Variants in CNPY1 observed in about 807,000 individuals in gnomAD.
CNPY1 encodes the protein protein canopy homolog 1.
In CNPY1, 14 loss-of-function variants were observed where a neutral mutation model predicts 14.4. That is an observed-to-expected ratio of 0.97 (90% CI 0.64 to 1.52). CNPY1 has a LOEUF of 1.52. Ranked by LOEUF, CNPY1 falls within the 40% of genes most tolerant of loss-of-function variation. The pLI is 0.00. For missense variants in CNPY1, 129 were observed against 131.5 expected (o/e 0.98, Z 0.09); for synonymous variants, 43 against 46.5 (o/e 0.92, Z 0.31).
chr7:155,501,994 C>CGGGG lies in CNPY1; in HGVS notation c.*1070_*1073dup, dbSNP rs1554446746. 2.2e-3 allele frequency: 27 copies of CGGGG among 12,376 alleles called. No homozygotes were observed. Among genetic ancestry groups the CGGGG allele is most frequent in the African/African-American group, 5.5e-3 (25 of 4,584 alleles). The allele number at this position is 12,376 out of a possible 1,614,324, so 0.8% of individuals were successfully genotyped here. Reference sequence around the variant, plus strand: ...AACAATATGGCAAAGAGTTTTGGGTCGGGGGGGTTGGGGGGGGGATTTGTA... The same window carrying CGGGG: ...AACAATATGGCAAAGAGTTTTGGGTCGGGGGGGGGGGTTGGGGGGGGGATTTGTA... On this transcript the variant is annotated 3_prime_UTR_variant, in exon 5 of 5. Transcript: ENST00000636446.
chr7:155,540,086 T>C (rs909918018), intron 2 of CNPY1, among the ~76,000 whole-genome samples: 3 of 152,212 alleles, frequency 2.0e-5, no homozygotes, highest in African/African-American at 7.2e-5. Flanking sequence ...TGGCTAAATC[T>C]TTCCTGGTTA....
At chr7:155,531,951 C>T (rs554880583) in intron 2 of CNPY1, among the ~76,000 whole-genome samples, 9 of 152,322 alleles carry the variant, frequency 5.9e-5, no homozygotes, top group African/African-American at 1.2e-4. Context: ...CCTCACTGTG[C>T]GCACTGTCAC....
At position 155,536,132 on chromosome 7, in the gene CNPY1, G is replaced by A. The variant is rs1296743036; in HGVS notation, c.99+9699C>T. ...GGGGTCAGAGGCAGTGGGGATCCAG[G>A]TGCCATTTGAAATGGGATGCTGTAA... On this transcript the variant is annotated intron_variant, in intron 2 of 4. Coordinates refer to ENST00000636446, the MANE Select transcript of CNPY1 (RefSeq NM_001393663.1). This position sits in a 1 kb window ranked among gnomAD's most constrained non-coding sequence, Gnocchi z 4.1. Among the ~76,000 whole-genome samples, 1 of 152,186 alleles carries A rather than the reference G, an allele frequency of 6.6e-6. No individual in the cohort carries two copies. Among genetic ancestry groups the A allele is most frequent in the East Asian group, 1.9e-4 (1 of 5,192 alleles).
chr7:155,512,743 C>G (rs1385467245), intron 2 of CNPY1, among the ~76,000 whole-genome samples: 1 of 152,218 alleles, frequency 6.6e-6, no homozygotes, highest in Non-Finnish European at 1.5e-5. Context: ...ATATCTGTCT[C>G]TCCCATTACA....
chr7:155,521,370 A>G (rs977925783), intron 2 of CNPY1, among the ~76,000 whole-genome samples: 1 of 152,200 alleles, frequency 6.6e-6, no homozygotes, highest in Admixed American at 6.5e-5. Context: ...ATGACAGACA[A>G]AGAACCTCCC....
At chr7:155,541,086 C>T (rs962658878) in intron 2 of CNPY1, among the ~76,000 whole-genome samples, 2 of 152,230 alleles carry the variant, frequency 1.3e-5, no homozygotes, top group Admixed American at 6.5e-5. Flanking sequence ...GTGAAGACAT[C>T]CCACCTACGG....
chr7:155,507,471 TAAAAAAAAAAA>T lies in CNPY1; in HGVS notation c.304-366_304-356del, dbSNP rs35711313. Among the ~76,000 whole-genome samples, 11 of 54,156 alleles carry T rather than the reference TAAAAAAAAAAA, an allele frequency of 2.0e-4. 1 individual carries two copies. The highest frequency in any genetic ancestry group is 2.5e-4 in the Admixed American group (1 of 4,064). 35.5% of individuals were successfully genotyped at this position (54,156 alleles called of 152,430 possible). On this transcript the variant is annotated intron_variant, in intron 3 of 4. Transcript: ENST00000636446. ...CTGAAAAGTCCAACGGTTTTTAAACTAAAAAAAAAAAAAAAAAAAAAAAAAAAAGAAGACCA... is the reference window on the plus strand; with the variant it reads ...CTGAAAAGTCCAACGGTTTTTAAACTAAAAAAAAAAAAAAAAAGAAGACCA...
chr7:155,542,221 C>T (rs1225931220), intron 2 of CNPY1, among the ~76,000 whole-genome samples: 1 of 152,140 alleles, frequency 6.6e-6, no homozygotes, highest in Non-Finnish European at 1.5e-5. Context: ...GTCAGGCAGG[C>T]AGGGAAGGCG....
At position 155,541,712 on chromosome 7, in the gene CNPY1, G is replaced by A. The variant is rs550369434; in HGVS notation, c.99+4119C>T. Among the ~76,000 whole-genome samples, 11 of 152,276 alleles carry A rather than the reference G, an allele frequency of 7.2e-5. No homozygotes were observed. The South Asian group carries it at 1.9e-3, about 26-fold the overall frequency. On this transcript the variant is annotated intron_variant, in intron 2 of 4. Transcript: ENST00000636446. ...AAGGGAAGCTGGAGCACCCTTCCTC[G>A]AGGGTCTTGCTGCCTGGCTGGCCAG...
rs1797021603 is a variant in CNPY1, at chr7:155,536,257, C to T, written c.99+9574G>A. On this transcript the variant is annotated intron_variant, in intron 2 of 4. Coordinates refer to ENST00000636446, the MANE Select transcript of CNPY1 (RefSeq NM_001393663.1). This position sits in a 1 kb window ranked among gnomAD's most constrained non-coding sequence, Gnocchi z 4.1. ...GGGGAGGCTGTGGATGACTGATCACCCACTGCAGCAGACAGGTCCTGGGCG... is the reference window on the plus strand; with the variant it reads ...GGGGAGGCTGTGGATGACTGATCACTCACTGCAGCAGACAGGTCCTGGGCG... 6.6e-6 allele frequency among the ~76,000 whole-genome samples: 1 copy of T among 152,138 alleles called. No individual in the cohort carries two copies.
At chr7:155,506,216 T>C (rs1179592574) in intron 4 of CNPY1, among the ~76,000 whole-genome samples, 1 of 152,204 alleles carries the variant, frequency 6.6e-6, no homozygotes, top group Non-Finnish European at 1.5e-5. Context: ...AGTACCCCAC[T>C]GGCTTTAAAT....
Position 155,534,249 on chromosome 7 carries a change from C to T in CNPY1, c.99+11582G>A, listed in dbSNP as rs75316257. On this transcript the variant is annotated intron_variant, in intron 2 of 4. Transcript: ENST00000636446. ...CCCACGCAGCTGCTCCACGCCTTCC[C>T]TGTCTCTGCTCTGAGATAGGTGACT... Among the ~76,000 whole-genome samples the T allele has an allele frequency of 1.1e-4, 17 of 152,342 alleles. No individual in the cohort carries two copies. The East Asian group carries it at 3.3e-3, about 29-fold the overall frequency.
chr7:155,527,526 C>T (rs1216534721), intron 2 of CNPY1, among the ~76,000 whole-genome samples: 1 of 139,700 alleles, frequency 7.2e-6, no homozygotes, highest in Non-Finnish European at 1.5e-5. Context: ...ATTGCAGCCT[C>T]GTCCTCTTGG....
intron 4 of CNPY1, 45 bp downstream of exon 4, chr7:155,506,975 A>G (rs1796336489): frequency 7.9e-7 from 1 of 1,262,910 alleles, no homozygotes; most frequent in African/African-American, 1.5e-5. Context: ...AGTGAGAGAG[A>G]GAGGGTGTGC....
intron 2 of CNPY1, among the ~76,000 whole-genome samples, chr7:155,516,416 C>T: frequency 6.6e-6 from 1 of 152,190 alleles, no homozygotes; most frequent in East Asian, 1.9e-4. Context: ...CCCCACTTCC[C>T]AAGTGAGGAC....
intron 2 of CNPY1, among the ~76,000 whole-genome samples, chr7:155,538,486 A>C (rs1585335848): frequency 6.7e-6 from 1 of 149,244 alleles, no homozygotes; most frequent in African/African-American, 2.5e-5. Context: ...GAGCCCTCCC[A>C]CCCCCCTCCT....
At position 155,540,822 on chromosome 7, in the gene CNPY1, G is replaced by A. The variant is rs535565805; in HGVS notation, c.99+5009C>T. Among the ~76,000 whole-genome samples the A allele has an allele frequency of 2.7e-4, 41 of 152,308 alleles. 1 individual carries two copies. In the South Asian group the frequency reaches 6.4e-3, roughly 24 times the overall value. ...CCAGCTCCCTGACCCTGGGTGCCCC[G>A]CTGAGAGCAGCAGTGCATGCGTACC... On this transcript the variant is annotated intron_variant, in intron 2 of 4. Coordinates refer to ENST00000636446, the MANE Select transcript of CNPY1 (RefSeq NM_001393663.1).
intron 2 of CNPY1, among the ~76,000 whole-genome samples, chr7:155,515,861 T>C (rs978513803): frequency 1.9e-4 from 29 of 152,224 alleles, no homozygotes; most frequent in African/African-American, 7.0e-4. Flanking sequence ...TACATCAATT[T>C]GATTTCTTTA....
rs35711313 is a variant in CNPY1 at position 155,507,471 on chromosome 7, T to TAAAAAAAAAAAAAAA, written c.304-370_304-356dup. Among the ~76,000 whole-genome samples, 126 of 54,134 alleles carry TAAAAAAAAAAAAAAA rather than the reference T, an allele frequency of 2.3e-3. 14 individuals are homozygous for TAAAAAAAAAAAAAAA. Among genetic ancestry groups the TAAAAAAAAAAAAAAA allele is most frequent in the African/African-American group, 0.012 (124 of 10,098 alleles). The allele number at this position is 54,134 out of a possible 152,430, so 35.5% of individuals were successfully genotyped here. On this transcript the variant is annotated intron_variant, in intron 3 of 4. Transcript: ENST00000636446. Reference sequence around the variant, plus strand: ...CTGAAAAGTCCAACGGTTTTTAAACTAAAAAAAAAAAAAAAAAAAAAAAAA... The same window carrying TAAAAAAAAAAAAAAA: ...CTGAAAAGTCCAACGGTTTTTAAACTAAAAAAAAAAAAAAAAAAAAAAAAAAAAAAAAAAAAAAAA...
Sources: allele counts gnomAD v4.1 joint callset (sites outside exome capture counted in the v4.1 genomes callset), GRCh38; gene constraint gnomAD v4.1.1; non-coding constraint Gnocchi (gnomAD v3.1); transcripts MANE v1.5; gene names NCBI Gene and HGNC (gene_info 2026-07-23, HGNC 2026-07-21).